Variants in ACSM3 observed in about 807,000 individuals in gnomAD.
ACSM3 encodes acyl-coenzyme A synthetase ACSM3, mitochondrial.
ACSM3 carries 61 observed loss-of-function variants against 74.1 expected under a neutral mutation model. The observed-to-expected ratio is 0.82, with a 90% CI of 0.67 to 1.02. ACSM3 has a LOEUF of 1.02. Ranked by LOEUF, ACSM3 falls within the 50% of genes least tolerant of loss-of-function variation. The probability of loss-of-function intolerance (pLI) is 0.00; values close to 1 mark genes in which losing one functional copy is unlikely to be tolerated. For synonymous variants in ACSM3, 213 were observed against 241.5 expected (o/e 0.88, Z 1.09); for missense variants, 660 against 697.0 (o/e 0.95, Z 0.60).
chr16:20,696,094 G>A (rs1233791165), intron 1 of ACSM3, among the ~76,000 whole-genome samples: 1 of 152,134 alleles, frequency 6.6e-6, no homozygotes, highest in African/African-American at 2.4e-5. Flanking sequence ...AGCTACATAG[G>A]TTTGTAGCCT....
In ACSM3 at chr16:20,691,093, T is replaced by A. The variant is rs778335017; in HGVS notation, c.-190+16271T>A. 1.1e-5 allele frequency: 18 copies of A among 1,613,636 alleles called. No individual in the cohort carries two copies. The East Asian group carries it at 3.3e-4, about 30-fold the overall frequency. ...TCCATCTTGGGGCTCCAAATTCTGATAAAGACCGGCAGCGCAGCTGTGAAG... is the reference window on the plus strand; with the variant it reads ...TCCATCTTGGGGCTCCAAATTCTGAAAAAGACCGGCAGCGCAGCTGTGAAG... On this transcript the variant is annotated intron_variant, in intron 1 of 3. Transcript: ENST00000561584.
At chr16:20,784,898 A>G (rs1404459527) in intron 7 of ACSM3, 86 bp from the exon 8 acceptor site, 9 of 1,455,380 alleles carry the variant, frequency 6.2e-6, no homozygotes, top group African/African-American at 2.9e-5. Context: ...AAAACATTTT[A>G]TATTGAAGTT....
At chr16:20,758,785 C>T (rs1044121356) in intron 3 of ACSM3, among the ~76,000 whole-genome samples, 1 of 151,662 alleles carries the variant, frequency 6.6e-6, no homozygotes, top group Admixed American at 6.6e-5. Context: ...AAATTTCCCT[C>T]TACACACTGC....
At chr16:20,779,426 A>C (rs1211281102) in intron 4 of ACSM3, among the ~76,000 whole-genome samples, 7 of 11,656 alleles carry the variant, frequency 6.0e-4, no homozygotes, top group Non-Finnish European at 3.1e-3. Flanking sequence ...ACCCTGTCTC[A>C]AAAAAAAAAA....
chr16:20,741,962 G>T, intron 1 of ACSM3: 2 of 1,529,840 alleles, frequency 1.3e-6, no homozygotes, highest in African/African-American at 1.4e-5. Context: ...CCTCCCGACT[G>T]CAACCTGAAT....
At position 20,770,236 on chromosome 16, in the gene ACSM3, T is replaced by G. The variant is rs574035750; in HGVS notation, c.202T>G (p.Trp68Gly). The G allele has an allele frequency of 1.6e-5, 26 of 1,613,918 alleles. No homozygotes were observed. Among genetic ancestry groups the G allele is most frequent in the Non-Finnish European group, 2.2e-5 (26 of 1,179,938 alleles). The part of the protein sequence containing the change: ...FNFAKDVLDQ[W>G]TDKEKAGKKP... ...CTTTGCTAAAGATGTCCTGGACCAA[T>G]GGACTGATAAGGAAAAGGTATGGGG... The change falls in exon 2 of 14, where the codon TGG becomes GGG. Residue 68 changes from tryptophan (W) to glycine (G), a missense_variant. Transcript: ENST00000289416.
intron 1 of ACSM3, chr16:20,741,476 A>AGCCGGGGG: frequency 1.4e-6 from 2 of 1,388,840 alleles, no homozygotes; most frequent in Non-Finnish European, 1.9e-6. Context: ...AAGGCCTGGC[A>AGCCGGGGG]GCCGGCCCGC....
intron 1 of ACSM3, among the ~76,000 whole-genome samples, chr16:20,697,146 C>A (rs1360660848): frequency 6.6e-6 from 1 of 152,106 alleles, no homozygotes. Flanking sequence ...GATCATAGCT[C>A]ACTGCAGCCT....
At chr16:20,685,147 T>C (rs562449621) in intron 1 of ACSM3, 1 of 1,606,586 alleles carries the variant, frequency 6.2e-7, no homozygotes, top group Admixed American at 1.7e-5. Flanking sequence ...ACCCATTGGT[T>C]CTAGAACAGC....
intron 1 of ACSM3, among the ~76,000 whole-genome samples, chr16:20,692,919 C>T (rs954274428): frequency 6.6e-6 from 1 of 151,962 alleles, no homozygotes; most frequent in African/African-American, 2.4e-5. Context: ...GCCTATAATC[C>T]CAGCCCTTTG....
intron 12 of ACSM3, among the ~76,000 whole-genome samples, chr16:20,793,348 A>G (rs1232232110): frequency 6.6e-6 from 1 of 152,158 alleles, no homozygotes; most frequent in African/African-American, 2.4e-5. Flanking sequence ...ACACGCCTGT[A>G]ATCCCTGCTA....
intron 2 of ACSM3, among the ~76,000 whole-genome samples, chr16:20,774,361 CCT>C (rs1234738563): frequency 6.6e-6 from 1 of 151,960 alleles, no homozygotes; most frequent in Non-Finnish European, 1.5e-5. Flanking sequence ...CCTGCCTCAG[CCT>C]CCCAAGTAGC....
exon 3 of ACSM3, chr16:20,755,583 C>A (rs1208953248): frequency 6.6e-6 from 1 of 151,456 alleles, no homozygotes; most frequent in Non-Finnish European, 1.5e-5. Flanking sequence ...TTTCCTGGTA[C>A]ATAGCCGCTA....
chr16:20,706,320 A>G (rs1257343856), intron 1 of ACSM3, among the ~76,000 whole-genome samples: 1 of 152,256 alleles, frequency 6.6e-6, no homozygotes, highest in African/African-American at 2.4e-5. Context: ...GAAAGAAGAC[A>G]GAGGAAAATG....
intron 2 of ACSM3, among the ~76,000 whole-genome samples, chr16:20,774,267 G>GC (rs1446312746): frequency 3.2e-5 from 4 of 123,424 alleles, no homozygotes; most frequent in Non-Finnish European, 6.4e-5. Context: ...TTTTGAGACA[G>GC]CGTCTCACTC....
chr16:20,758,945 T>G (rs2152441577), intron 3 of ACSM3, among the ~76,000 whole-genome samples: 1 of 152,182 alleles, frequency 6.6e-6, no homozygotes, highest in East Asian at 1.9e-4. Flanking sequence ...CGGTTTTGAG[T>G]GAGTTTCTTA....
upstream of ACSM3, among the ~76,000 whole-genome samples, chr16:20,760,321 T>C (rs182604245): frequency 6.6e-6 from 1 of 152,182 alleles, no homozygotes; most frequent in Non-Finnish European, 1.5e-5. Flanking sequence ...AATCAAAGAC[T>C]GGAGAGACTG....
chr16:20,743,216 G>A (rs2079943434), intron 1 of ACSM3, among the ~76,000 whole-genome samples: 1 of 152,090 alleles, frequency 6.6e-6, no homozygotes, highest in African/African-American at 2.4e-5. Flanking sequence ...GAGATTACAG[G>A]CGTGAGCCAC....
chr16:20,785,205 GGAGTT>G, intron 8 of ACSM3, 98 bp downstream of exon 8: 1 of 1,476,486 alleles, frequency 6.8e-7, no homozygotes, highest in East Asian at 2.3e-5. Flanking sequence ...TTGAGGGATA[GGAGTT>G]GAGTGGTTAG....
Sources: gnomAD v4.1 joint callset for allele counts (sites outside exome capture counted in the v4.1 genomes callset) on GRCh38, gnomAD v4.1.1 for gene constraint, MANE v1.5 for transcripts, NCBI Gene and HGNC (gene_info 2026-07-23, HGNC 2026-07-21) for gene names.